MB21D2: variants seen among roughly 807,000 people sequenced by gnomAD.
The protein encoded by MB21D2 is Mab-21 domain containing 2, also known as nucleotidyltransferase MB21D2.
In MB21D2, 9 loss-of-function variants were observed where a neutral mutation model predicts 33.3. The observed-to-expected ratio is 0.27, with a 90% CI of 0.16 to 0.47. The LOEUF (loss-of-function observed/expected upper bound fraction) is 0.47, where lower values mean the gene tolerates loss of function less well. MB21D2 is among the 20% of genes least tolerant of loss of function. MB21D2 has a pLI of 0.99. For synonymous variants in MB21D2, 241 were observed against 236.3 expected, an observed-to-expected ratio of 1.02 and a Z score of -0.18; for missense variants, 540 against 624.6, an observed-to-expected ratio of 0.86 and a Z score of 1.44.
chr3:192,913,033 A>C (rs1294458461), intron 1 of MB21D2, among the ~76,000 whole-genome samples: 2 of 152,244 alleles, frequency 1.3e-5, no homozygotes, highest in African/African-American at 4.8e-5. Flanking sequence ...GGTATGAGCC[A>C]AAATCCTCCT....
At chr3:192,867,772 T>G (rs1713201060) in intron 1 of MB21D2, among the ~76,000 whole-genome samples, 1 of 152,162 alleles carries the variant, frequency 6.6e-6, no homozygotes, top group Non-Finnish European at 1.5e-5. Context: ...AGTGATGGTT[T>G]GCTAGTTTTC....
At chr3:192,902,299 T>C (rs775252957) in intron 1 of MB21D2, among the ~76,000 whole-genome samples, 8 of 152,162 alleles carry the variant, frequency 5.3e-5, no homozygotes, top group Non-Finnish European at 8.8e-5. Flanking sequence ...AGCAACCACA[T>C]AGAGCCCGGC....
intron 1 of MB21D2, among the ~76,000 whole-genome samples, chr3:192,820,614 CAG>C (rs1712026971): frequency 6.6e-6 from 1 of 152,264 alleles, no homozygotes; most frequent in African/African-American, 2.4e-5. Flanking sequence ...AGCGGCCACT[CAG>C]ACTGTGTCAA....
At chr3:192,876,905 C>G (rs748255500) in intron 1 of MB21D2, among the ~76,000 whole-genome samples, 1 of 152,100 alleles carries the variant, frequency 6.6e-6, no homozygotes, top group African/African-American at 2.4e-5. Context: ...CTGTGGCACC[C>G]GCTATTTAAT....
chr3:192,887,477 T>C (rs899850262), intron 1 of MB21D2, among the ~76,000 whole-genome samples: 1 of 152,180 alleles, frequency 6.6e-6, no homozygotes, highest in East Asian at 1.9e-4. Flanking sequence ...GTGAAGATCG[T>C]AATTTTATGC....
At chr3:192,869,842 A>T (rs997395565) in intron 1 of MB21D2, among the ~76,000 whole-genome samples, 16 of 152,196 alleles carry the variant, frequency 1.1e-4, no homozygotes, top group Non-Finnish European at 2.2e-4. Context: ...AGCAGCCATC[A>T]GCAGTCTATA....
Position 192,799,262 on chromosome 3 carries a change from C to T in MB21D2, c.600G>A (p.Gln200=), listed in dbSNP as rs767665945. The T allele has an allele frequency of 6.2e-7, 1 of 1,614,198 alleles. No individual in the cohort carries two copies. Among genetic ancestry groups the T allele is most frequent in the South Asian group, 1.1e-5 (1 of 91,084 alleles). The change falls in exon 2 of 2, where the codon CAG becomes CAA. Residue 200 remains glutamine (Q), a synonymous_variant. Coordinates refer to ENST00000392452, the MANE Select transcript of MB21D2 (RefSeq NM_178496.4). The surrounding 1 kb of genome is among the most constrained non-coding windows in gnomAD (Gnocchi z 4.1). ...TTGGCATCCCTCGCTGGGGTTTCTT[C>T]TGTATTTCTGATAGGACAATGCTGA... The part of the protein sequence containing the change: ...DSISIVLSEI[Q]KKPQRGMPKV...
intron 1 of MB21D2, among the ~76,000 whole-genome samples, chr3:192,868,841 T>C (rs900195308): frequency 1.3e-5 from 2 of 152,156 alleles, no homozygotes; most frequent in South Asian, 2.1e-4. Context: ...CTGACATTAA[T>C]GGCTAGCTAA....
intron 1 of MB21D2, among the ~76,000 whole-genome samples, chr3:192,869,332 AGG>A (rs1191407742): frequency 3.4e-5 from 5 of 145,322 alleles, no homozygotes; most frequent in Non-Finnish European, 7.5e-5. Context: ...GAAAAAGGGA[AGG>A]AGGGAAGGGA....
chr3:192,825,335 C>T (rs1308179773), intron 1 of MB21D2, among the ~76,000 whole-genome samples: 3 of 152,210 alleles, frequency 2.0e-5, no homozygotes, highest in Non-Finnish European at 2.9e-5. Context: ...TAAATGTGTG[C>T]GTAGGGGAAT....
chr3:192,813,692 C>G (rs1372123177), intron 1 of MB21D2, among the ~76,000 whole-genome samples: 1 of 152,112 alleles, frequency 6.6e-6, no homozygotes, highest in Non-Finnish European at 1.5e-5. Context: ...TACAAAGTAT[C>G]CACCTAGTTC....
chr3:192,806,417 CA>C (rs574097088), intron 1 of MB21D2, among the ~76,000 whole-genome samples: 81 of 152,274 alleles, frequency 5.3e-4, no homozygotes, highest in East Asian at 3.3e-3. Flanking sequence ...AGTATATTTT[CA>C]ATCTGTATTT....
intron 1 of MB21D2, among the ~76,000 whole-genome samples, chr3:192,863,679 C>A (rs1048235339): frequency 6.6e-6 from 1 of 152,114 alleles, no homozygotes; most frequent in African/African-American, 2.4e-5. Context: ...AAATCCTAAT[C>A]CCCAAGGTGA....
chr3:192,888,131 C>T (rs76936599), intron 1 of MB21D2, among the ~76,000 whole-genome samples: 6,333 of 152,178 alleles, frequency 0.042, 185 homozygotes, highest in East Asian at 0.11. Context: ...GCATCACTAT[C>T]CACTTAGTGA....
intron 1 of MB21D2, among the ~76,000 whole-genome samples, chr3:192,897,647 G>A (rs1015318871): frequency 6.6e-6 from 1 of 152,132 alleles, no homozygotes; most frequent in Admixed American, 6.6e-5. Context: ...ATATGGGGGA[G>A]GGGTGGAATG....
At chr3:192,863,550 A>C (rs914284724) in intron 1 of MB21D2, among the ~76,000 whole-genome samples, 1 of 152,202 alleles carries the variant, frequency 6.6e-6, no homozygotes, top group Non-Finnish European at 1.5e-5. Flanking sequence ...TGAGTACTTA[A>C]TATGTGACAA....
Position 192,863,072 on chromosome 3 carries a change from A to C in MB21D2, c.211+54558T>G, listed in dbSNP as rs139779679. ...ACTACAGCACTGGGGATTAGGTTTC[A>C]ATGTATGAATTTTGAGGGGACACAA... is the stretch of plus-strand genomic sequence containing the variant. On this transcript the variant is annotated intron_variant, in intron 1 of 1. Coordinates refer to ENST00000392452, the MANE Select transcript of MB21D2 (RefSeq NM_178496.4). Among the ~76,000 whole-genome samples the C allele has an allele frequency of 7.9e-5, 12 of 152,324 alleles. No homozygotes were observed. In the East Asian group the frequency reaches 2.3e-3, roughly 29 times the overall value.
At chr3:192,867,156 G>C (rs1417138439) in intron 1 of MB21D2, among the ~76,000 whole-genome samples, 1 of 152,150 alleles carries the variant, frequency 6.6e-6, no homozygotes, top group Non-Finnish European at 1.5e-5. Context: ...GTATTGGGTA[G>C]AGGGAGGAAA....
At chr3:192,869,934 C>T (rs959932652) in intron 1 of MB21D2, among the ~76,000 whole-genome samples, 8 of 152,114 alleles carry the variant, frequency 5.3e-5, no homozygotes, top group Non-Finnish European at 1.0e-4. Context: ...TACAGCCATG[C>T]AGAGCAATTC....
Sources: gnomAD v4.1 joint callset for allele counts (sites outside exome capture counted in the v4.1 genomes callset) on GRCh38, gnomAD v4.1.1 for gene constraint, Gnocchi (gnomAD v3.1) non-coding constraint, MANE v1.5 for transcripts, NCBI Gene and HGNC (gene_info 2026-07-23, HGNC 2026-07-21) for gene names.